SHANK2: variants seen among roughly 807,000 people sequenced by gnomAD.
The protein encoded by SHANK2 is SH3 and multiple ankyrin repeat domains protein 2.
SHANK2 carries 43 observed loss-of-function variants against 133.7 expected under a neutral mutation model. The observed-to-expected ratio is 0.32, with a 90% CI of 0.25 to 0.41. The LOEUF is 0.41. Among genes scored for constraint, SHANK2 ranks in the 10% least tolerant of loss-of-function variants. The pLI is 1.00. For synonymous variants in SHANK2, 1,017 were observed against 952.8 expected (o/e 1.07, Z -1.24); for missense variants, 1,994 against 2,235.8 (o/e 0.89, Z 2.18).
Position 70,472,774 on chromosome 11 carries a change from G to C in SHANK2, c.*95C>G. ...GGAGACAAACCCATGGAGTGGGGTT[G>C]ATGCTCACAGACTTCGCTTGGCATT... On this transcript the variant is annotated 3_prime_UTR_variant, in exon 26 of 26. Transcript: ENST00000601538. The surrounding 1 kb of genome is among the most constrained non-coding windows in gnomAD (Gnocchi z 4.4). 1.6e-6 allele frequency: 2 copies of C among 1,220,980 alleles called. No homozygotes were observed. Among genetic ancestry groups the C allele is most frequent in the Non-Finnish European group, 2.4e-6 (2 of 822,856 alleles). The allele number at this position is 1,220,980 out of a possible 1,614,324, so 75.6% of individuals were successfully genotyped here. A position where few individuals can be genotyped will look rare whatever the true frequency, so the allele number is the denominator to read the frequency against.
chr11:70,732,658 C>T (rs1946314915), intron 14 of SHANK2, among the ~76,000 whole-genome samples: 1 of 152,258 alleles, frequency 6.6e-6, no homozygotes, highest in South Asian at 2.1e-4. Flanking sequence ...TTTGCACCTG[C>T]TGTTCCTGCT....
intron 11 of SHANK2, among the ~76,000 whole-genome samples, chr11:70,858,526 C>A (rs1555067195): frequency 1.3e-5 from 2 of 152,262 alleles, no homozygotes; most frequent in African/African-American, 4.8e-5. Context: ...CAGTCTCATG[C>A]CCATGGCTGA....
chr11:71,115,415 G>A lies in SHANK2; in HGVS notation c.412-2051C>T, dbSNP rs190809995. Among the ~76,000 whole-genome samples, 38 of 150,674 alleles carry A rather than the reference G, an allele frequency of 2.5e-4. 1 individual carries two copies. The highest frequency in any genetic ancestry group is 9.2e-4 in the Admixed American group (14 of 15,154). On this transcript the variant is annotated intron_variant, in intron 4 of 25. Coordinates refer to ENST00000601538, the MANE Select transcript of SHANK2 (RefSeq NM_012309.5). ...ACCCAGGAGGCAGAGGCTGCAGTGA[G>A]CCGAGATCACACCACTGCACTCTAG...
At chr11:70,494,295 A>G (rs549879305) in intron 21 of SHANK2, among the ~76,000 whole-genome samples, 25 of 152,174 alleles carry the variant, frequency 1.6e-4, no homozygotes, top group Admixed American at 1.3e-3. Context: ...CCGGGCCAGA[A>G]CCTCAGGGCA....
At chr11:70,707,124 T>A (rs1555025101) in intron 14 of SHANK2, among the ~76,000 whole-genome samples, 1 of 151,754 alleles carries the variant, frequency 6.6e-6, no homozygotes. Context: ...GTAATCCTAG[T>A]ACTTTGGGAG....
At chr11:70,855,846 G>A (rs74494985) in intron 11 of SHANK2, among the ~76,000 whole-genome samples, 2,148 of 152,046 alleles carry the variant, frequency 0.014, 32 homozygotes, top group Non-Finnish European at 0.022. Context: ...TAAATGAATG[G>A]ATAAATAGAT....
At chr11:70,495,015 G>T (rs2058948757) in intron 21 of SHANK2, among the ~76,000 whole-genome samples, 1 of 152,230 alleles carries the variant, frequency 6.6e-6, no homozygotes, top group Non-Finnish European at 1.5e-5. Context: ...TGCTTCTCAG[G>T]GAACTGGTCA....
intron 8 of SHANK2, among the ~76,000 whole-genome samples, chr11:71,078,836 C>T (rs1951254418): frequency 6.6e-6 from 1 of 152,254 alleles, no homozygotes; most frequent in African/African-American, 2.4e-5. Context: ...TGCAGCCCGG[C>T]CTCTGAGCTG....
At chr11:71,133,979 C>T (rs1365921900) in intron 3 of SHANK2, among the ~76,000 whole-genome samples, 3 of 150,796 alleles carry the variant, frequency 2.0e-5, no homozygotes, top group Non-Finnish European at 4.4e-5. Context: ...AGGTGATCCC[C>T]CTGCCTGAGC....
intron 10 of SHANK2, among the ~76,000 whole-genome samples, chr11:70,935,893 G>C (rs1270402283): frequency 6.6e-6 from 1 of 152,146 alleles, no homozygotes; most frequent in East Asian, 1.9e-4. Flanking sequence ...AACCATTCCA[G>C]GTTAAGCAGG....
chr11:70,889,038 G>A (rs1949794466), intron 11 of SHANK2, among the ~76,000 whole-genome samples: 2 of 152,142 alleles, frequency 1.3e-5, no homozygotes, highest in Admixed American at 1.3e-4. Flanking sequence ...TAGAGTGGGT[G>A]GAATGGTGGT....
intron 3 of SHANK2, among the ~76,000 whole-genome samples, chr11:71,129,249 G>A (rs538578394): frequency 6.6e-6 from 1 of 152,340 alleles, no homozygotes; most frequent in African/African-American, 2.4e-5. Context: ...TCTGCCTACT[G>A]AGTCTTGCTT....
chr11:70,484,556 ATTTC>A (rs1289863095), intron 25 of SHANK2, among the ~76,000 whole-genome samples: 1 of 152,170 alleles, frequency 6.6e-6, no homozygotes, highest in Non-Finnish European at 1.5e-5. Flanking sequence ...AGTCTCAGCT[ATTTC>A]TTTATAGCAG....
At chr11:70,909,413 C>T (rs1555078556) in intron 10 of SHANK2, among the ~76,000 whole-genome samples, 1 of 152,154 alleles carries the variant, frequency 6.6e-6, no homozygotes, top group African/African-American at 2.4e-5. Context: ...CTTTCCTGTG[C>T]TGTAATGATG....
chr11:70,836,368 G>A (rs113224708), intron 11 of SHANK2, among the ~76,000 whole-genome samples: 62 of 152,330 alleles, frequency 4.1e-4, no homozygotes, highest in African/African-American at 1.1e-3. Flanking sequence ...GTGCCTGTCC[G>A]AGCCTGAGCC....
At chr11:71,113,437 C>T in intron 4 of SHANK2, 73 bp from the exon 5 acceptor site, 1 of 1,377,988 alleles carries the variant, frequency 7.3e-7, no homozygotes, top group Admixed American at 2.0e-5. Flanking sequence ...GAAAACGGGC[C>T]TTTTCCTTGG....
intron 14 of SHANK2, among the ~76,000 whole-genome samples, chr11:70,740,726 G>A (rs28569135): frequency 0.031 from 4,781 of 152,302 alleles, 250 homozygotes; most frequent in African/African-American, 0.11. Flanking sequence ...CCACAGCAGA[G>A]CAGCCAGAAG....
chr11:70,495,324 G>A (rs1460401856), intron 21 of SHANK2, among the ~76,000 whole-genome samples: 1 of 152,212 alleles, frequency 6.6e-6, no homozygotes, highest in Admixed American at 6.5e-5. Flanking sequence ...GATGGCTGGG[G>A]TCGAATTGGT....
rs1303811595 is a variant in SHANK2, at chr11:70,733,450, T to A, written c.1778-34687A>T. Among the ~76,000 whole-genome samples, 7 of 152,338 alleles carry A rather than the reference T, an allele frequency of 4.6e-5. No individual in the cohort carries two copies. In the East Asian group the frequency reaches 1.4e-3, roughly 29 times the overall value. ...TGAAAAAAGAATGTGAGAGGCTCCA[T>A]CCCTTTCTGGAGGCTTCACAGCTAT... On this transcript the variant is annotated intron_variant, in intron 14 of 25. Transcript: ENST00000601538.
Sources: allele counts gnomAD v4.1 joint callset (sites outside exome capture counted in the v4.1 genomes callset), GRCh38; gene constraint gnomAD v4.1.1; non-coding constraint Gnocchi (gnomAD v3.1); transcripts MANE v1.5; gene names NCBI Gene and HGNC (gene_info 2026-07-23, HGNC 2026-07-21).